Variants in PKN2 observed in about 807,000 individuals in gnomAD.
PKN2 encodes protein kinase N2, also known as serine/threonine-protein kinase N2.
In PKN2, 38 loss-of-function variants were observed where a neutral mutation model predicts 119.1. The ratio of observed to expected loss-of-function variants is 0.32; its 90% CI spans 0.25 to 0.42. The LOEUF (loss-of-function observed/expected upper bound fraction) is 0.42, where lower values mean the gene tolerates loss of function less well. PKN2 is among the 10% of genes least tolerant of loss of function. The pLI is 1.00. For missense variants in PKN2, 850 were observed against 1,165.1 expected (o/e 0.73, Z 3.94); for synonymous variants, 390 against 384.9 (o/e 1.01, Z -0.15).
chr1:88,769,532 AAGAT>A (rs1669801077), intron 3 of PKN2, among the ~76,000 whole-genome samples: 2 of 152,356 alleles, frequency 1.3e-5, no homozygotes, highest in Admixed American at 6.5e-5. Flanking sequence ...GATTTTCTAA[AAGAT>A]AGTAATAAGA....
chr1:88,740,400 G>A (rs1317156105), intron 1 of PKN2, among the ~76,000 whole-genome samples: 3 of 152,010 alleles, frequency 2.0e-5, no homozygotes, highest in African/African-American at 7.2e-5. Flanking sequence ...AAATTTAAGG[G>A]ATACAAGTGC....
At chr1:88,809,756 A>T (rs1671704991) in intron 15 of PKN2, among the ~76,000 whole-genome samples, 1 of 152,116 alleles carries the variant, frequency 6.6e-6, no homozygotes, top group Non-Finnish European at 1.5e-5. Flanking sequence ...CATTGGGACC[A>T]CAGGTGCATA....
intron 1 of PKN2, among the ~76,000 whole-genome samples, chr1:88,738,176 CAAACAAA>C (rs974126630): frequency 1.4e-5 from 2 of 146,084 alleles, no homozygotes; most frequent in Non-Finnish European, 3.0e-5. Flanking sequence ...AAAAAACAAA[CAAACAAA>C]AAAAAACCAA....
At chr1:88,735,966 A>T (rs1429657333) in intron 1 of PKN2, among the ~76,000 whole-genome samples, 1 of 152,088 alleles carries the variant, frequency 6.6e-6, no homozygotes, top group East Asian at 1.9e-4. Flanking sequence ...CCAGTAACCC[A>T]AATATTTGCT....
intron 1 of PKN2, among the ~76,000 whole-genome samples, chr1:88,722,881 G>A (rs1280118975): frequency 6.6e-6 from 1 of 152,104 alleles, no homozygotes; most frequent in Admixed American, 6.5e-5. Context: ...TCTGCACTTA[G>A]AAAGCCTGTC....
chr1:88,724,786 T>C lies in PKN2; in HGVS notation c.49-16202T>C, dbSNP rs933871999. Among the ~76,000 whole-genome samples the C allele has an allele frequency of 2.0e-5, 3 of 151,500 alleles. No homozygotes were observed. In the South Asian group the frequency reaches 6.2e-4, roughly 32 times the overall value. ...ACAGGGTTTCACCATGTTGGCCAGG[T>C]GGGTCTTGAACTCCTGACCTTGTGA... On this transcript the variant is annotated intron_variant, in intron 1 of 21. Transcript: ENST00000370521.
In PKN2 at chr1:88,819,402, CAT is replaced by C. The variant is rs368030665; in HGVS notation, c.2280-2536_2280-2535del. Among the ~76,000 whole-genome samples, 951 of 152,178 alleles carry C rather than the reference CAT, an allele frequency of 6.2e-3. 12 individuals are homozygous for C. In the South Asian group the frequency reaches 0.067, roughly 11 times the overall value. ...CTTCTCAAGACATTTATCCAAAAAACATATGAAAAAAAGCTCATCATCACTGG... is the reference window on the plus strand; with the variant it reads ...CTTCTCAAGACATTTATCCAAAAAACATGAAAAAAAGCTCATCATCACTGG... On this transcript the variant is annotated intron_variant, in intron 16 of 21. Coordinates refer to ENST00000370521, the MANE Select transcript of PKN2 (RefSeq NM_006256.4).
intron 3 of PKN2, among the ~76,000 whole-genome samples, chr1:88,760,905 C>G (rs983609341): frequency 6.6e-6 from 1 of 151,744 alleles, no homozygotes; most frequent in Admixed American, 6.6e-5. Flanking sequence ...GCAACTTTTC[C>G]GTAAATCTAA....
At chr1:88,723,488 C>G (rs1667779455) in intron 1 of PKN2, among the ~76,000 whole-genome samples, 1 of 143,170 alleles carries the variant, frequency 7.0e-6, no homozygotes, top group Non-Finnish European at 1.5e-5. Flanking sequence ...GTGGCGCGGT[C>G]TCGGCTCACT....
intron 3 of PKN2, among the ~76,000 whole-genome samples, chr1:88,762,516 G>A (rs1669488268): frequency 6.6e-6 from 1 of 152,124 alleles, no homozygotes; most frequent in South Asian, 2.1e-4. Context: ...TTGAAATTAT[G>A]TGGAATATTA....
At chr1:88,805,014 T>G (rs1370156009) in intron 10 of PKN2, 93 bp downstream of exon 10, 3 of 613,978 alleles carry the variant, frequency 4.9e-6, no homozygotes, top group Non-Finnish European at 8.6e-6. Context: ...TGTGGGTTTT[T>G]TTGTTGTTGT....
chr1:88,694,812 T>C (rs191226869), intron 1 of PKN2, among the ~76,000 whole-genome samples: 76 of 152,314 alleles, frequency 5.0e-4, no homozygotes, highest in Admixed American at 4.4e-3. Flanking sequence ...AAGTGTATCA[T>C]GGTATCTCAT....
At position 88,770,338 on chromosome 1, in the gene PKN2, TA is replaced by T; in HGVS notation, c.505-13del. 1.3e-6 allele frequency: 2 copies of T among 1,534,288 alleles called. No homozygotes were observed. The highest frequency in any genetic ancestry group is 1.4e-5 in the African/African-American group (1 of 73,160). ...CTTTATTTGCTTAATTTTTCAAACT[TA>T]TTTTTTTAATAGGATCGGAAACTCC... is the stretch of plus-strand genomic sequence containing the variant. On this transcript the variant is annotated splice_polypyrimidine_tract_variant and intron_variant, in intron 3 of 21. Transcript: ENST00000370521.
intron 15 of PKN2, among the ~76,000 whole-genome samples, chr1:88,810,990 C>CT (rs2100889657): frequency 6.6e-6 from 1 of 152,134 alleles, no homozygotes; most frequent in East Asian, 1.9e-4. Flanking sequence ...TTGAAATTAC[C>CT]TTTTTTAATA....
chr1:88,820,233 TAAATAGAA>T (rs1373268499), intron 16 of PKN2, among the ~76,000 whole-genome samples: 36 of 52,690 alleles, frequency 6.8e-4, no homozygotes, highest in African/African-American at 3.1e-3. Context: ...TATATATATA[TAAATAGAA>T]AAAAATAAAA....
intron 1 of PKN2, among the ~76,000 whole-genome samples, chr1:88,734,642 G>C (rs770612854): frequency 1.3e-5 from 2 of 152,072 alleles, no homozygotes; most frequent in Non-Finnish European, 2.9e-5. Context: ...CTCCAGCTTT[G>C]TTCTTTTTGC....
chr1:88,771,299 T>G (rs765190045), intron 4 of PKN2, 122 bp from the exon 5 acceptor site: 22 of 597,344 alleles, frequency 3.7e-5, no homozygotes, highest in Non-Finnish European at 6.2e-5. Flanking sequence ...ATTTCAGTGT[T>G]TATTGATGTA....
At chr1:88,820,406 G>A (rs1293628662) in intron 16 of PKN2, among the ~76,000 whole-genome samples, 1 of 150,316 alleles carries the variant, frequency 6.7e-6, no homozygotes, top group African/African-American at 2.4e-5. Flanking sequence ...GGTGGCACAT[G>A]CCTATAATCC....
chr1:88,701,969 G>GT (rs1290795422), intron 1 of PKN2, among the ~76,000 whole-genome samples: 2 of 151,864 alleles, frequency 1.3e-5, no homozygotes, highest in South Asian at 2.1e-4. Flanking sequence ...TTTGTTTTTT[G>GT]TTTTTTTGAG....
Sources: allele counts gnomAD v4.1 joint callset (sites outside exome capture counted in the v4.1 genomes callset), GRCh38; gene constraint gnomAD v4.1.1; transcripts MANE v1.5; gene names NCBI Gene and HGNC (gene_info 2026-07-23, HGNC 2026-07-21).